GOLGA4: variants seen among roughly 807,000 people sequenced by gnomAD.
The protein encoded by GOLGA4 is golgin subfamily A member 4.
Under a neutral mutation model 265.9 loss-of-function variants are expected in GOLGA4, and 169 were observed. That is an observed-to-expected ratio of 0.64 (90% CI 0.56 to 0.72). The LOEUF is 0.72. GOLGA4 is among the 30% of genes least tolerant of loss of function. The pLI, the probability that GOLGA4 is intolerant of heterozygous loss-of-function variation, is 0.00. For missense variants in GOLGA4, 2,482 were observed against 2,483.4 expected, an observed-to-expected ratio of 1.00 and a Z score of 0.01; for synonymous variants, 923 against 855.8, an observed-to-expected ratio of 1.08 and a Z score of -1.37.
Position 37,359,787 on chromosome 3 carries a change from A to G in GOLGA4, c.6664-1456A>G, listed in dbSNP as rs73053219. Among the ~76,000 whole-genome samples, 1,298 of 152,292 alleles carry G rather than the reference A, an allele frequency of 8.5e-3. 7 individuals carry two copies. The highest frequency in any genetic ancestry group is 0.02 in the Middle Eastern group (6 of 294). On this transcript the variant is annotated intron_variant, in intron 22 of 23. Coordinates refer to ENST00000361924, the MANE Select transcript of GOLGA4 (RefSeq NM_002078.5). ...GCATTGCTAGGTACAAAAGTTTTCC[A>G]TTCCCACACGAGGTTTACCCTTTCC...
rs1405173046 is a variant in GOLGA4 at position 37,347,253 on chromosome 3, T to C, written c.6533T>C (p.Leu2178Ser). 1.2e-5 allele frequency: 20 copies of C among 1,612,580 alleles called. No individual in the cohort carries two copies. Among genetic ancestry groups the C allele is most frequent in the Non-Finnish European group, 1.6e-5 (19 of 1,178,940 alleles). Residue 2178 changes from leucine to serine, a missense_variant, in exon 21 of 24, where the codon TTG becomes TCG. Leu to Ser is a moderately radical substitution (Grantham distance 145). Around this residue, in one of 3 missense-constraint regions of GOLGA4, gnomAD observed 942 missense variants for 983.1 expected, o/e 0.96. Transcript: ENST00000361924. ...LFGEPTEFEY[L>S]RKVLFEYMMG... The stretch of plus-strand genomic sequence containing the variant: ...GGAGAACCTACCGAATTTGAGTATT[T>C]GCGAAAAGTGCTTTTTGAGTATATG...
At chr3:37,341,146 T>A (rs1183199442) in intron 20 of GOLGA4, among the ~76,000 whole-genome samples, 2 of 151,136 alleles carry the variant, frequency 1.3e-5, no homozygotes, top group African/African-American at 2.4e-5. Context: ...AAAAAAAAAA[T>A]GATCCACCTG....
At chr3:37,329,162 G>T in intron 16 of GOLGA4, 69 bp downstream of exon 16, 2 of 1,286,930 alleles carry the variant, frequency 1.6e-6, no homozygotes, top group Non-Finnish European at 2.1e-6. Flanking sequence ...TAGTGCCAAA[G>T]ATTTCCTTTT....
At chr3:37,272,812 T>C (rs1346372354) in intron 2 of GOLGA4, among the ~76,000 whole-genome samples, 1 of 152,186 alleles carries the variant, frequency 6.6e-6, no homozygotes, top group Non-Finnish European at 1.5e-5. Flanking sequence ...TATTTTATCA[T>C]GAGTTACTTC....
At chr3:37,331,125 G>A (rs1383336957) in intron 16 of GOLGA4, among the ~76,000 whole-genome samples, 1 of 150,976 alleles carries the variant, frequency 6.6e-6, no homozygotes, top group Non-Finnish European at 1.5e-5. Flanking sequence ...GGAAACAGGT[G>A]AACTTAATTT....
chr3:37,284,741 T>C lies in GOLGA4; in HGVS notation c.478-1273T>C, dbSNP rs751012988. Among the ~76,000 whole-genome samples, 30 of 150,904 alleles carry C rather than the reference T, an allele frequency of 2.0e-4. 1 individual carries two copies. Among genetic ancestry groups the C allele is most frequent in the Non-Finnish European group, 4.4e-5 (3 of 67,820 alleles). Reference sequence around the variant, plus strand: ...TGCAGTGGCATCATCACGGCTCACCTTGTAGCCTTGAGTTCCCAGGCTTAG... The same window carrying C: ...TGCAGTGGCATCATCACGGCTCACCCTGTAGCCTTGAGTTCCCAGGCTTAG... On this transcript the variant is annotated intron_variant, in intron 3 of 23. Transcript: ENST00000361924.
intron 21 of GOLGA4, among the ~76,000 whole-genome samples, chr3:37,351,692 A>AG (rs539794053): frequency 6.6e-6 from 1 of 152,186 alleles, no homozygotes; most frequent in Non-Finnish European, 1.5e-5. Flanking sequence ...CTGGGTGACC[A>AG]GGTGTATTAT....
chr3:37,257,903 A>ATG (rs2096753662), intron 2 of GOLGA4, among the ~76,000 whole-genome samples: 2 of 131,218 alleles, frequency 1.5e-5, no homozygotes, highest in African/African-American at 5.8e-5. Context: ...ACATATATAT[A>ATG]TATATATATA....
chr3:37,341,053 G>C (rs1453447020), intron 20 of GOLGA4, among the ~76,000 whole-genome samples: 3 of 152,098 alleles, frequency 2.0e-5, no homozygotes, highest in Non-Finnish European at 4.4e-5. Context: ...TGTAGTCCCA[G>C]CTACATGGGA....
intron 20 of GOLGA4, among the ~76,000 whole-genome samples, chr3:37,343,125 GT>G (rs1440409940): frequency 1.3e-5 from 2 of 151,402 alleles, no homozygotes; most frequent in Non-Finnish European, 3.0e-5. Flanking sequence ...TTGTTTGTTT[GT>G]TTGTTTGTTT....
intron 10 of GOLGA4, among the ~76,000 whole-genome samples, chr3:37,307,837 TA>T (rs1316203776): frequency 5.3e-5 from 8 of 152,354 alleles, no homozygotes; most frequent in African/African-American, 1.9e-4. Context: ...TGCGGGATTA[TA>T]TTTCTAATTT....
Position 37,355,138 on chromosome 3 carries a change from C to A in GOLGA4, c.6614C>A (p.Pro2205His), listed in dbSNP as rs2097087072. 6.2e-7 allele frequency: 1 copy of A among 1,609,058 alleles called. No individual in the cohort carries two copies. Among genetic ancestry groups the A allele is most frequent in the African/African-American group, 1.3e-5 (1 of 74,766 alleles). ...GTTATAACCACCGTACTGAAGTTCCCTGATGATCAGACTCAGAAAATTTTG... is the reference window on the plus strand; with the variant it reads ...GTTATAACCACCGTACTGAAGTTCCATGATGATCAGACTCAGAAAATTTTG... ...AKVITTVLKF[P>H]DDQTQKILER... The change falls in exon 22 of 24, where the codon CCT becomes CAT. Residue 2205 changes from proline (P) to histidine (H), a missense_variant. Physicochemically the swap from Pro to His is moderately conservative, Grantham distance 77. Transcript: ENST00000361924.
intron 2 of GOLGA4, chr3:37,276,335 A>T: frequency 1.2e-6 from 2 of 1,606,324 alleles, no homozygotes. Flanking sequence ...CTGTGGGAAT[A>T]TTCCTCCTGA....
At chr3:37,270,921 G>T (rs1348280195) in intron 2 of GOLGA4, among the ~76,000 whole-genome samples, 1 of 151,882 alleles carries the variant, frequency 6.6e-6, no homozygotes, top group Admixed American at 6.6e-5. Context: ...TGGGAGCCCT[G>T]AGCTTGTTTT....
At chr3:37,330,992 C>T (rs957918332) in intron 16 of GOLGA4, among the ~76,000 whole-genome samples, 2 of 146,914 alleles carry the variant, frequency 1.4e-5, no homozygotes, top group Non-Finnish European at 3.0e-5. Flanking sequence ...GATTGTGCCA[C>T]TGCACTCCAG....
chr3:37,321,695 G>A, intron 12 of GOLGA4, 36 bp from the exon 13 acceptor site: 1 of 1,560,382 alleles, frequency 6.4e-7, no homozygotes, highest in Non-Finnish European at 8.7e-7. Flanking sequence ...GAAGATTTAT[G>A]TGCGTTTAAG....
In GOLGA4 at chr3:37,326,576, C is replaced by G. The variant is rs988777122; in HGVS notation, c.4690C>G (p.Gln1564Glu). 3.1e-6 allele frequency: 5 copies of G among 1,612,624 alleles called. No homozygotes were observed. The highest frequency in any genetic ancestry group is 4.2e-6 in the Non-Finnish European group (5 of 1,179,208). Residue 1564 changes from glutamine to glutamate, a missense_variant, in exon 14 of 24, where the codon CAG (glutamine) becomes GAG (glutamate). By Grantham distance (29) the Gln-to-Glu change is conservative (BLOSUM62 2). Transcript: ENST00000361924. ...GGATATTGAACACAAAGAATTGGTT[C>G]AGAAACTTCAACATTTTCAAGAGTT... ...QKDIEHKELV[Q>E]KLQHFQELGE...
chr3:37,347,232 A>G lies in GOLGA4; in HGVS notation c.6512A>G (p.Glu2171Gly), dbSNP rs548947590. 1.2e-6 allele frequency: 2 copies of G among 1,613,024 alleles called. No individual in the cohort carries two copies. Among genetic ancestry groups the G allele is most frequent in the Admixed American group, 1.7e-5 (1 of 59,970 alleles). The change falls in exon 21 of 24, where the codon GAA becomes GGA. Residue 2171 changes from glutamate (E) to glycine (G), a missense_variant. Transcript: ENST00000361924. ...LYHTDVSLFG[E>G]PTEFEYLRKV... ...CATACGGATGTCTCACTCTTTGGAGAACCTACCGAATTTGAGTATTTGCGA... is the reference window on the plus strand; with the variant it reads ...CATACGGATGTCTCACTCTTTGGAGGACCTACCGAATTTGAGTATTTGCGA...
chr3:37,338,407 CATA>C (rs752487012), intron 19 of GOLGA4, among the ~76,000 whole-genome samples: 1 of 152,112 alleles, frequency 6.6e-6, no homozygotes, highest in Non-Finnish European at 1.5e-5. Flanking sequence ...TGAAATTTTT[CATA>C]ATATTTCTAA....
Sources: gnomAD v4.1 joint callset for allele counts (sites outside exome capture counted in the v4.1 genomes callset) on GRCh38, gnomAD v4.1.1 for gene constraint, gnomAD v4.1.1 regional missense constraint, MANE v1.5 for transcripts, NCBI Gene and HGNC (gene_info 2026-07-23, HGNC 2026-07-21) for gene names.